Variants in RASAL2 observed in about 807,000 individuals in gnomAD.
RASAL2 encodes ras GTPase-activating protein nGAP.
A neutral mutation model predicts 128.9 loss-of-function variants in RASAL2; 58 were observed. The ratio of observed to expected loss-of-function variants is 0.45; its 90% CI spans 0.36 to 0.56. The LOEUF is 0.56. Among genes scored for constraint, RASAL2 ranks in the 20% least tolerant of loss-of-function variants. The pLI is 0.00. For missense variants in RASAL2, 1,360 were observed against 1,601.6 expected (o/e 0.85, Z 2.57); for synonymous variants, 561 against 580.8 (o/e 0.97, Z 0.49).
At chr1:178,297,037 G>T (rs1319699599) in intron 2 of RASAL2, among the ~76,000 whole-genome samples, 1 of 150,514 alleles carries the variant, frequency 6.6e-6, no homozygotes, top group African/African-American at 2.4e-5. Context: ...CACAAGGGCA[G>T]AGAAGAAAAA....
intron 3 of RASAL2, among the ~76,000 whole-genome samples, chr1:178,318,386 A>G (rs1188826588): frequency 6.6e-6 from 1 of 151,600 alleles, no homozygotes; most frequent in Non-Finnish European, 1.5e-5. Context: ...TAATGTTGAC[A>G]GTGGGGTGTT....
intron 3 of RASAL2, among the ~76,000 whole-genome samples, chr1:178,314,353 G>A (rs185377448): frequency 1.3e-5 from 2 of 152,256 alleles, no homozygotes; most frequent in Admixed American, 1.3e-4. Flanking sequence ...AGTAGTATTG[G>A]TGGTGAGCCT....
intron 4 of RASAL2, among the ~76,000 whole-genome samples, chr1:178,405,327 A>G (rs1197441949): frequency 6.6e-6 from 1 of 152,220 alleles, no homozygotes; most frequent in Non-Finnish European, 1.5e-5. Flanking sequence ...TGACTAAACT[A>G]TATGTAGAGA....
chr1:178,262,899 C>CT (rs903878733), intron 1 of RASAL2, among the ~76,000 whole-genome samples: 33 of 151,426 alleles, frequency 2.2e-4, no homozygotes, highest in Non-Finnish European at 4.6e-4. Flanking sequence ...TGTTTTGGCC[C>CT]TTATATTTCA....
At chr1:178,233,977 T>C (rs1664121195) in intron 1 of RASAL2, among the ~76,000 whole-genome samples, 1 of 152,196 alleles carries the variant, frequency 6.6e-6, no homozygotes, top group African/African-American at 2.4e-5. Flanking sequence ...AAACATTTCA[T>C]TTTCTCATTA....
chr1:178,325,536 G>C (rs907593962), intron 3 of RASAL2, among the ~76,000 whole-genome samples: 2 of 152,142 alleles, frequency 1.3e-5, no homozygotes, highest in Non-Finnish European at 2.9e-5. Context: ...ATAATACATT[G>C]GGTGTGACTT....
intron 5 of RASAL2, among the ~76,000 whole-genome samples, chr1:178,431,566 T>A (rs1675903316): frequency 1.3e-5 from 2 of 152,048 alleles, no homozygotes; most frequent in Admixed American, 1.3e-4. Flanking sequence ...GATCTAGCAA[T>A]TTCACATCTG....
intron 1 of RASAL2, among the ~76,000 whole-genome samples, chr1:178,166,268 G>A (rs965990161): frequency 6.6e-6 from 1 of 152,076 alleles, no homozygotes; most frequent in African/African-American, 2.4e-5. Flanking sequence ...TAAAATTCAA[G>A]GCATGCCATC....
intron 3 of RASAL2, among the ~76,000 whole-genome samples, chr1:178,328,597 CAATA>C: frequency 6.6e-6 from 1 of 152,180 alleles, no homozygotes; most frequent in South Asian, 2.1e-4. Context: ...TGTAAAGAAA[CAATA>C]AGTGATGTAA....
At chr1:178,314,974 A>G (rs1264711718) in intron 3 of RASAL2, among the ~76,000 whole-genome samples, 3 of 134,366 alleles carry the variant, frequency 2.2e-5, no homozygotes, top group Admixed American at 8.3e-5. Context: ...AGAGTGTGAT[A>G]TTCCCCTTCC....
chr1:178,245,132 G>A (rs1326645976), intron 1 of RASAL2, among the ~76,000 whole-genome samples: 2 of 152,174 alleles, frequency 1.3e-5, no homozygotes, highest in Non-Finnish European at 2.9e-5. Flanking sequence ...TCTGGTTCTA[G>A]ATCCTTGAGG....
intron 17 of RASAL2, chr1:178,470,551 C>T (rs1648152801): frequency 1.9e-6 from 1 of 514,756 alleles, no homozygotes; most frequent in South Asian, 1.8e-5. Context: ...CCTTTCACCC[C>T]TGAGCATGAG....
intron 3 of RASAL2, among the ~76,000 whole-genome samples, chr1:178,335,540 C>G (rs9425822): frequency 0.069 from 10,535 of 152,154 alleles, 562 homozygotes; most frequent in East Asian, 0.18. Flanking sequence ...ATTCCCTTCT[C>G]CCTTAAAACA....
At chr1:178,126,120 G>A (rs1312905740) in intron 1 of RASAL2, among the ~76,000 whole-genome samples, 1 of 152,144 alleles carries the variant, frequency 6.6e-6, no homozygotes, top group Admixed American at 6.5e-5. Flanking sequence ...TGAGACATAG[G>A]GAAGATAAGT....
intron 9 of RASAL2, among the ~76,000 whole-genome samples, chr1:178,446,218 A>G (rs1253155642): frequency 2.0e-5 from 3 of 152,178 alleles, no homozygotes; most frequent in African/African-American, 7.2e-5. Flanking sequence ...ATTAACCGCT[A>G]GAGTAAGGTA....
chr1:178,362,745 A>T (rs1018334146), intron 3 of RASAL2, among the ~76,000 whole-genome samples: 2 of 151,534 alleles, frequency 1.3e-5, no homozygotes, highest in African/African-American at 4.8e-5. Flanking sequence ...TTCCACATAT[A>T]AGTGAGATCA....
At chr1:178,386,056 C>T (rs1011698638) in intron 3 of RASAL2, among the ~76,000 whole-genome samples, 3 of 152,066 alleles carry the variant, frequency 2.0e-5, no homozygotes, top group African/African-American at 7.2e-5. Context: ...GCATTTACTC[C>T]CTGGTAAGTG....
intron 1 of RASAL2, among the ~76,000 whole-genome samples, chr1:178,109,532 A>G (rs1222295615): frequency 2.0e-5 from 3 of 152,152 alleles, no homozygotes; most frequent in African/African-American, 7.2e-5. Context: ...TTTATATCCC[A>G]GGGTTTGTAT....
Position 178,105,747 on chromosome 1 carries a change from A to C in RASAL2, c.202+11053A>C, listed in dbSNP as rs529419142. Among the ~76,000 whole-genome samples, 7 of 147,310 alleles carry C rather than the reference A, an allele frequency of 4.8e-5. No homozygotes were observed. The Admixed American group carries it at 4.8e-4, about 10-fold the overall frequency. ...ACTCAGGCTGGAGTGCTGTGGCTCT[A>C]TCTTGGCTCACTGTAGCCTGGACCT... On this transcript the variant is annotated intron_variant, in intron 1 of 17. Transcript: ENST00000367649.
Sources: gnomAD v4.1 joint callset for allele counts (sites outside exome capture counted in the v4.1 genomes callset) on GRCh38, gnomAD v4.1.1 for gene constraint, MANE v1.5 for transcripts, NCBI Gene and HGNC (gene_info 2026-07-23, HGNC 2026-07-21) for gene names.